COG2: variants seen among roughly 807,000 people sequenced by gnomAD.
The protein encoded by COG2 is conserved oligomeric Golgi complex subunit 2.
In COG2, 52 loss-of-function variants were observed where a neutral mutation model predicts 90.6. The observed-to-expected ratio is 0.57, with a 90% confidence interval of 0.46 to 0.72. The LOEUF (loss-of-function observed/expected upper bound fraction) is 0.72, where lower values mean the gene tolerates loss of function less well. COG2 is among the 30% of genes least tolerant of loss of function. The pLI is 0.00. For missense variants in COG2, 829 were observed against 891.2 expected (o/e 0.93, Z 0.89); for synonymous variants, 337 against 320.4 (o/e 1.05, Z -0.55).
chr1:230,642,855 C>T (rs1409972057), intron 1 of COG2, 177 bp downstream of exon 1: 6 of 601,296 alleles, frequency 1.0e-5, no homozygotes, highest in South Asian at 8.7e-5. Flanking sequence ...GCGGGTGCAG[C>T]CTGGAGAAAG....
intron 8 of COG2, among the ~76,000 whole-genome samples, chr1:230,671,954 A>G (rs778507003): frequency 6.6e-6 from 1 of 152,226 alleles, no homozygotes; most frequent in Non-Finnish European, 1.5e-5. Context: ...CCATGATTCT[A>G]ATATGTCATA....
chr1:230,676,355 TG>T, intron 9 of COG2, among the ~76,000 whole-genome samples: 1 of 152,304 alleles, frequency 6.6e-6, no homozygotes, highest in Non-Finnish European at 1.5e-5. Context: ...TCTACTAATT[TG>T]GAAGTTGTGC....
intron 11 of COG2, 50 bp from the exon 12 acceptor site, chr1:230,685,035 A>C (rs1440523596): frequency 3.8e-6 from 3 of 779,468 alleles, no homozygotes; most frequent in Non-Finnish European, 5.3e-6. Context: ...ACTATAGCCT[A>C]AAATTGCCTG....
At chr1:230,642,965 C>A in intron 1 of COG2, 1 of 422,120 alleles carries the variant, frequency 2.4e-6, no homozygotes. Flanking sequence ...GTTCCTGTTA[C>A]CATGCAGTGC....
At chr1:230,679,338 C>T (rs1056154690) in intron 10 of COG2, 13 of 260,722 alleles carry the variant, frequency 5.0e-5, no homozygotes, top group African/African-American at 2.4e-4. Flanking sequence ...CCACCATGTC[C>T]TCATTCATTG....
chr1:230,693,771 G>A lies in COG2; in HGVS notation c.*378G>A, dbSNP rs1433347196. ...CGTCTCCCTGAGCCTGTAGTTGGAA[G>A]TGACGACTGTAATGGAATGATGTCT... On this transcript the variant is annotated 3_prime_UTR_variant, in exon 18 of 18. Coordinates refer to ENST00000366669, the MANE Select transcript of COG2 (RefSeq NM_007357.3). The A allele has an allele frequency of 6.4e-6, 1 of 155,422 alleles. No homozygotes were observed. The highest frequency in any genetic ancestry group is 1.4e-5 in the Non-Finnish European group (1 of 70,038). 9.6% of individuals were successfully genotyped at this position (155,422 alleles called of 1,614,324 possible). A position where few individuals can be genotyped will look rare whatever the true frequency, so the allele number is the denominator to read the frequency against.
chr1:230,678,154 C>T (rs1438321525), intron 9 of COG2: 1 of 985,374 alleles, frequency 1.0e-6, no homozygotes. Flanking sequence ...AGCCTGGGGG[C>T]TTCGGGAATA....
In COG2 at chr1:230,660,812, GA is replaced by G; in HGVS notation, c.291del (p.Glu98ArgfsTer3). ...TTCTGTGCCTTTGGGACAATTACGAGAAGAGGTTCTGGTAAGTTTCCCGAAT... is the reference window on the plus strand; with the variant it reads ...TTCTGTGCCTTTGGGACAATTACGAGAGAGGTTCTGGTAAGTTTCCCGAAT... ...QLSVPLGQLREEVLSLRSSVS... is the reference protein window; with the variant it reads ...QLSVPLGQLRXEVLSLRSSVS... On this transcript the variant is annotated frameshift_variant, in exon 3 of 18. Transcript: ENST00000366669. LOFTEE classifies it high-confidence loss of function. The G allele has an allele frequency of 6.3e-7, 1 of 1,585,030 alleles. No individual in the cohort carries two copies.
Position 230,642,697 on chromosome 1 carries a change from C to A in COG2, c.72+19C>A. On this transcript the variant is annotated intron_variant, in intron 1 of 17. Coordinates refer to ENST00000366669, the MANE Select transcript of COG2 (RefSeq NM_007357.3). ...CATGAAGGTGCGCGCGGCGTCCGCT[C>A]CCCGGAGCCGGGCCATGAGGGTGCC... is the stretch of plus-strand genomic sequence containing the variant. 1.9e-6 allele frequency: 3 copies of A among 1,608,116 alleles called. No individual in the cohort carries two copies. Among genetic ancestry groups the A allele is most frequent in the Non-Finnish European group, 2.5e-6 (3 of 1,177,496 alleles).
intron 10 of COG2, chr1:230,682,877 T>C (rs1262380606): frequency 6.6e-6 from 1 of 152,226 alleles, no homozygotes; most frequent in East Asian, 1.9e-4. Flanking sequence ...TATAACACAT[T>C]TGCCTTTCAC....
At chr1:230,664,684 C>T in intron 5 of COG2, 97 bp downstream of exon 5, 1 of 589,372 alleles carries the variant, frequency 1.7e-6, no homozygotes, top group Non-Finnish European at 2.9e-6. Flanking sequence ...GAAGAAAATC[C>T]CAGTCTATGG....
chr1:230,686,440 C>G (rs768161347), intron 12 of COG2, among the ~76,000 whole-genome samples: 5 of 152,146 alleles, frequency 3.3e-5, no homozygotes, highest in Non-Finnish European at 5.9e-5. Context: ...CCCATTCTAT[C>G]CCATTCTTTT....
At chr1:230,689,395 T>TA (rs1227499499) in intron 15 of COG2, among the ~76,000 whole-genome samples, 1 of 152,226 alleles carries the variant, frequency 6.6e-6, no homozygotes, top group Non-Finnish European at 1.5e-5. Flanking sequence ...AATAGGCTGT[T>TA]ACAGTAATAC....
At position 230,658,479 on chromosome 1, in the gene COG2, T is replaced by C. The variant is rs116650743; in HGVS notation, c.73-985T>C. 6.7e-3 allele frequency among the ~76,000 whole-genome samples: 1,022 copies of C among 152,232 alleles called. 9 individuals are homozygous for C. Among genetic ancestry groups the C allele is most frequent in the Admixed American group, 0.013 (192 of 15,302 alleles). ...CCAGCCAGAGCTCTCCTGTGTGAAG[T>C]GTCTCTCAGCCCATACTGGGAGGTG... On this transcript the variant is annotated intron_variant, in intron 1 of 17. Coordinates refer to ENST00000366669, the MANE Select transcript of COG2 (RefSeq NM_007357.3).
chr1:230,663,127 T>C lies in COG2; in HGVS notation c.301-14T>C. 6.3e-7 allele frequency: 1 copy of C among 1,587,476 alleles called. No individual in the cohort carries two copies. The highest frequency in any genetic ancestry group is 8.5e-7 in the Non-Finnish European group (1 of 1,171,074). ...AACAATCTCTGCAGTACTTTTTTTT[T>C]TTGTCTTTTAAAGAGCCTTAGATCG... On this transcript the variant is annotated splice_polypyrimidine_tract_variant and intron_variant, in intron 3 of 17. Transcript: ENST00000366669.
chr1:230,691,834 G>GCTCA, intron 17 of COG2: 1 of 376,076 alleles, frequency 2.7e-6, no homozygotes, highest in Non-Finnish European at 4.8e-6. Flanking sequence ...TGCTCACGGA[G>GCTCA]CTCACTACAG....
rs1467248660 is a variant in COG2 at position 230,653,553 on chromosome 1, C to CTAAAGAATCAAATTCTAT, written c.73-5909_73-5908insAAGAATCAAATTCTATTA. On this transcript the variant is annotated intron_variant, in intron 1 of 17. Transcript: ENST00000366669. ...GATTCTACTAAAGAATCAAATTCTACTAGCCAGAATTGATTCTACTAAAGA... is the reference window on the plus strand; with the variant it reads ...GATTCTACTAAAGAATCAAATTCTACTAAAGAATCAAATTCTATTAGCCAGAATTGATTCTACTAAAGA... 1.1e-4 allele frequency among the ~76,000 whole-genome samples: 16 copies of CTAAAGAATCAAATTCTAT among 152,264 alleles called. 1 individual carries two copies. In the South Asian group the frequency reaches 2.9e-3, roughly 28 times the overall value.
intron 15 of COG2, among the ~76,000 whole-genome samples, chr1:230,688,783 C>T (rs1446232710): frequency 3.3e-5 from 5 of 152,060 alleles, no homozygotes; most frequent in Non-Finnish European, 7.4e-5. Flanking sequence ...CCATCCTATC[C>T]TAAAAGTATT....
Position 230,669,368 on chromosome 1 carries a change from A to G in COG2, c.607A>G (p.Ile203Val). 6.2e-7 allele frequency: 1 copy of G among 1,612,766 alleles called. No homozygotes were observed. Among genetic ancestry groups the G allele is most frequent in the Non-Finnish European group, 8.5e-7 (1 of 1,179,056 alleles). Residue 203 changes from isoleucine (I) to valine (V), a missense_variant, in exon 7 of 18, where the codon ATT becomes GTT. Physicochemically the swap from Ile to Val is conservative, Grantham distance 29. Coordinates refer to ENST00000366669, the MANE Select transcript of COG2 (RefSeq NM_007357.3). ...LDKVRPRIAG[I>V]TAMLQQSLEG... ...CCTTTTCTTGCAGCGTATAGCTGGC[A>G]TTACAGCCATGTTACAGCAGTCACT... is the stretch of plus-strand genomic sequence containing the variant.
Sources: gnomAD v4.1 joint callset for allele counts (sites outside exome capture counted in the v4.1 genomes callset) on GRCh38, gnomAD v4.1.1 for gene constraint, MANE v1.5 for transcripts, NCBI Gene and HGNC (gene_info 2026-07-23, HGNC 2026-07-21) for gene names.